The following DDX18 variants were observed in gnomAD, a reference collection of about 807,000 sequenced individuals.
DDX18 encodes ATP-dependent RNA helicase DDX18.
A neutral mutation model predicts 73.5 loss-of-function variants in DDX18; 23 were observed. That is an observed-to-expected ratio of 0.31 (90% confidence interval 0.23 to 0.44). The LOEUF (loss-of-function observed/expected upper bound fraction) is 0.44. Ranked by LOEUF, DDX18 falls within the 20% of genes least tolerant of loss-of-function variation. The pLI is 1.00. For synonymous variants in DDX18, 268 were observed against 282.7 expected (o/e 0.95, Z 0.52); for missense variants, 753 against 792.9 (o/e 0.95, Z 0.60).
chr2:117,816,149 G>A (rs747244015), intron 1 of DDX18, among the ~76,000 whole-genome samples: 12 of 152,212 alleles, frequency 7.9e-5, no homozygotes, highest in South Asian at 2.1e-4. Flanking sequence ...TACCCTGAGC[G>A]AGTCAGTGAG....
Position 117,819,741 on chromosome 2 carries a change from GATA to G in DDX18, c.466_468del (p.Asn156del), listed in dbSNP as rs767299026. ...AACAGAAAATAATGTGGAGAAGCCA[GATA>G]ATGATGAAGATGAGAGTGAGGTGCC... On this transcript the variant is annotated inframe_deletion, in exon 3 of 14. Transcript: ENST00000263239. 152 of 1,609,710 alleles carry G rather than the reference GATA, an allele frequency of 9.4e-5. No homozygotes were observed. The highest frequency in any genetic ancestry group is 1.2e-4 in the Non-Finnish European group (145 of 1,178,554).
At chr2:117,825,633 C>T (rs897139868) in intron 10 of DDX18, 34 bp downstream of exon 10, 3 of 1,602,998 alleles carry the variant, frequency 1.9e-6, no homozygotes, top group Non-Finnish European at 2.6e-6. Context: ...TTCAGAATGA[C>T]TCTGCATTAA....
intron 8 of DDX18, 89 bp downstream of exon 8, chr2:117,824,797 T>C (rs1679898135): frequency 6.8e-7 from 1 of 1,475,928 alleles, no homozygotes; most frequent in Non-Finnish European, 9.0e-7. Flanking sequence ...AGCAAATGGG[T>C]TAATGAACTT....
At chr2:117,830,240 G>T (rs1426562234) in intron 13 of DDX18, among the ~76,000 whole-genome samples, 1 of 152,156 alleles carries the variant, frequency 6.6e-6, no homozygotes, top group African/African-American at 2.4e-5. Flanking sequence ...ATAGTCATTT[G>T]TTTTGACACA....
chr2:117,819,350 T>C (rs1038322020), intron 2 of DDX18, among the ~76,000 whole-genome samples: 1 of 152,202 alleles, frequency 6.6e-6, no homozygotes, highest in Non-Finnish European at 1.5e-5. Context: ...TTAAGGATTA[T>C]GTTAATCAGG....
At chr2:117,817,260 T>C (rs1214484685) in intron 1 of DDX18, among the ~76,000 whole-genome samples, 184 bp from the exon 2 acceptor site, 1 of 152,214 alleles carries the variant, frequency 6.6e-6, no homozygotes, top group Admixed American at 6.5e-5. Context: ...ATTTTTTCTT[T>C]AAGATAACTT....
rs1001625477 is a variant in DDX18 at position 117,815,003 on chromosome 2, C to G, written c.85+141C>G. The G allele has an allele frequency of 2.3e-5, 19 of 818,528 alleles. No individual in the cohort carries two copies. In the Admixed American group the frequency reaches 4.2e-4, roughly 18 times the overall value. 50.7% of individuals were successfully genotyped at this position (818,528 alleles called of 1,614,324 possible). Reference sequence around the variant, plus strand: ...GTGATTGGGGAGAGTGAAAAGGCAGCTTCCACTCGGGACCCGCGCTGCTGC... The same window carrying G: ...GTGATTGGGGAGAGTGAAAAGGCAGGTTCCACTCGGGACCCGCGCTGCTGC... On this transcript the variant is annotated intron_variant, in intron 1 of 13. Coordinates refer to ENST00000263239, the MANE Select transcript of DDX18 (RefSeq NM_006773.4).
In DDX18 at chr2:117,825,449, A is replaced by G. The variant is rs1339249858; in HGVS notation, c.1371A>G (p.Gly457=). The stretch of plus-strand genomic sequence containing the variant: ...TGGATGTTTTTATTTAATTCTAGGG[A>G]AAGCAAAAGCAAAATAAGCGTACAA... ...YIDLPVLAIH[G]KQKQNKRTTT... is the part of the protein sequence containing the mutation. The change falls in exon 10 of 14, where the codon GGA becomes GGG. Residue 457 remains glycine, a splice_region_variant and synonymous_variant. Transcript: ENST00000263239. 15 of 1,611,092 alleles carry G rather than the reference A, an allele frequency of 9.3e-6. No individual in the cohort carries two copies. In the Admixed American group the frequency reaches 1.2e-4, roughly 13 times the overall value.
chr2:117,826,830 G>A (rs930678698), intron 11 of DDX18: 1 of 159,528 alleles, frequency 6.3e-6, no homozygotes, highest in African/African-American at 2.4e-5. Context: ...CTTGCGGTTG[G>A]CGCTTTACCA....
At chr2:117,818,309 T>C (rs1295622102) in intron 2 of DDX18, among the ~76,000 whole-genome samples, 1 of 152,192 alleles carries the variant, frequency 6.6e-6, no homozygotes, top group Non-Finnish European at 1.5e-5. Flanking sequence ...CCTGTTTTTG[T>C]AAATAAAGTT....
chr2:117,820,522 G>C (rs1679828632), intron 3 of DDX18, among the ~76,000 whole-genome samples: 1 of 152,188 alleles, frequency 6.6e-6, no homozygotes, highest in Non-Finnish European at 1.5e-5. Flanking sequence ...CAGAAACACT[G>C]CATAATATCT....
At chr2:117,822,120 G>T (rs1343429324) in intron 6 of DDX18, 27 bp from the exon 7 acceptor site, 5 of 1,613,676 alleles carry the variant, frequency 3.1e-6, no homozygotes, top group Non-Finnish European at 3.4e-6. Context: ...ACAACTAATG[G>T]TTGTTCTTTG....
rs751532805 is a variant in DDX18, at chr2:117,825,499, C to T, written c.1421C>T (p.Ala474Val). ...RTTTFFQFCN[A>V]DSGTLLCTDV... is the part of the protein sequence containing the mutation. ...ACCACATTCTTCCAGTTCTGCAATG[C>T]AGATTCGGGAACACTATTGTGTACG... Residue 474 changes from alanine (A) to valine (V), a missense_variant, in exon 10 of 14, where the codon GCA becomes GTA. Ala to Val is a moderately conservative substitution (Grantham distance 64). Transcript: ENST00000263239. 5.6e-6 allele frequency: 9 copies of T among 1,614,002 alleles called. No homozygotes were observed. Among genetic ancestry groups the T allele is most frequent in the Non-Finnish European group, 7.6e-6 (9 of 1,179,994 alleles).
intron 5 of DDX18, 41 bp from the exon 6 acceptor site, chr2:117,821,821 G>A: frequency 1.2e-6 from 2 of 1,613,464 alleles, no homozygotes; most frequent in Non-Finnish European, 1.7e-6. Context: ...GGACTCAGTG[G>A]TGACAGCCAC....
Position 117,825,454 on chromosome 2 carries a change from A to G in DDX18, c.1376A>G (p.Gln459Arg). Residue 459 changes from glutamine to arginine, a missense_variant, in exon 10 of 14, where the codon CAA becomes CGA. Coordinates refer to ENST00000263239, the MANE Select transcript of DDX18 (RefSeq NM_006773.4). ...DLPVLAIHGKQKQNKRTTTFF... is the reference protein window; with the variant it reads ...DLPVLAIHGKRKQNKRTTTFF... ...GTTTTTATTTAATTCTAGGGAAAGC[A>G]AAAGCAAAATAAGCGTACAACCACA... is the stretch of plus-strand genomic sequence containing the variant. 1 of 1,611,882 alleles carries G rather than the reference A, an allele frequency of 6.2e-7. No homozygotes were observed. Among genetic ancestry groups the G allele is most frequent in the Non-Finnish European group, 8.5e-7 (1 of 1,178,220 alleles).
In DDX18 at chr2:117,817,547, G is replaced by A. The variant is rs1679780028; in HGVS notation, c.189G>A (p.Val63=). 2 of 1,613,834 alleles carry A rather than the reference G, an allele frequency of 1.2e-6. No individual in the cohort carries two copies. The highest frequency in any genetic ancestry group is 1.7e-6 in the Non-Finnish European group (2 of 1,179,950). Residue 63 remains valine, a synonymous_variant, in exon 2 of 14, where the codon GTG becomes GTA. Transcript: ENST00000263239. The stretch of plus-strand genomic sequence containing the variant: ...AATCAAAACAAAAGCCCATGAATGT[G>A]GGCTTATCAGAAACTCAAAATGGAG... ...VKKSKQKPMN[V]GLSETQNGGM... is the part of the protein sequence containing the mutation.
At chr2:117,815,164 C>T in intron 1 of DDX18, 1 of 355,716 alleles carries the variant, frequency 2.8e-6, no homozygotes, top group Non-Finnish European at 5.2e-6. Flanking sequence ...TCCACCTTAG[C>T]TTTTGGTTCC....
chr2:117,821,437 T>TA (rs1477128672), intron 4 of DDX18, 141 bp downstream of exon 4: 5 of 1,204,642 alleles, frequency 4.2e-6, no homozygotes, highest in Non-Finnish European at 5.8e-6. Flanking sequence ...TTAAGTTAAT[T>TA]ACTGATGTTT....
intron 10 of DDX18, 21 bp downstream of exon 10, chr2:117,825,620 A>G (rs781708191): frequency 2.5e-6 from 4 of 1,608,492 alleles, no homozygotes; most frequent in Non-Finnish European, 3.4e-6. Context: ...TCTTTGGAAT[A>G]TCTTCAGAAT....
Sources: gnomAD v4.1 joint callset for allele counts (sites outside exome capture counted in the v4.1 genomes callset) on GRCh38, gnomAD v4.1.1 for gene constraint, MANE v1.5 for transcripts, NCBI Gene and HGNC (gene_info 2026-07-23, HGNC 2026-07-21) for gene names.